Variants in PARD3 observed in about 807,000 individuals in gnomAD.
The protein encoded by PARD3 is par-3 family cell polarity regulator, also known as partitioning defective 3 homolog.
In PARD3, 75 loss-of-function variants were observed where a neutral mutation model predicts 155.4. The observed-to-expected ratio is 0.48, with a 90% CI of 0.40 to 0.58. PARD3 has a LOEUF of 0.58. Ranked by LOEUF, PARD3 falls within the 20% of genes least tolerant of loss-of-function variation. The pLI, the probability that PARD3 is intolerant of heterozygous loss-of-function variation, is 0.00. For missense variants in PARD3, 1,642 were observed against 1,721.7 expected, an observed-to-expected ratio of 0.95 and a Z score of 0.82; for synonymous variants, 576 against 610.5, an observed-to-expected ratio of 0.94 and a Z score of 0.83.
Position 34,397,088 on chromosome 10 carries a change from C to A in PARD3, c.890+2242G>T, listed in dbSNP as rs1392443364. Among the ~76,000 whole-genome samples, 3 of 152,208 alleles carry A rather than the reference C, an allele frequency of 2.0e-5. No homozygotes were observed. The East Asian group carries it at 5.8e-4, about 29-fold the overall frequency. On this transcript the variant is annotated intron_variant, in intron 7 of 24. Coordinates refer to ENST00000374788, the MANE Select transcript of PARD3 (RefSeq NM_001184785.2). ...TATTCCGTTCATCTTTGTTTCCTAG[C>A]ACCTAACACAGGGATTGTCACAACA...
At position 34,758,432 on chromosome 10, in the gene PARD3, C is replaced by T. The variant is rs61401637; in HGVS notation, c.120+56444G>A. On this transcript the variant is annotated intron_variant, in intron 1 of 24. Coordinates refer to ENST00000374788, the MANE Select transcript of PARD3 (RefSeq NM_001184785.2). Reference sequence around the variant, plus strand: ...AGAGCATTATTCCAAAGTCTTTCCACTCCACCACACTATGCCTCATAACCA... The same window carrying T: ...AGAGCATTATTCCAAAGTCTTTCCATTCCACCACACTATGCCTCATAACCA... 9.2e-3 allele frequency among the ~76,000 whole-genome samples: 1,405 copies of T among 152,302 alleles called. 26 individuals carry two copies. The highest frequency in any genetic ancestry group is 0.032 in the African/African-American group (1,312 of 41,558).
At chr10:34,684,812 CACACACACACACACACACATATAT>C (rs1564504576) in intron 2 of PARD3, among the ~76,000 whole-genome samples, 4 of 122,696 alleles carry the variant, frequency 3.3e-5, no homozygotes, top group Admixed American at 2.5e-4. Flanking sequence ...CACACACACA[CACACACACACACACACACATATAT>C]ACACACACAC....
chr10:34,654,051 C>A (rs529129752), intron 2 of PARD3, among the ~76,000 whole-genome samples: 157 of 152,202 alleles, frequency 1.0e-3, no homozygotes, highest in African/African-American at 3.6e-3. Context: ...AAAACTCACA[C>A]CTTGTCTTTA....
intron 2 of PARD3, among the ~76,000 whole-genome samples, chr10:34,692,594 G>T (rs1004110361): frequency 3.9e-5 from 6 of 152,174 alleles, no homozygotes; most frequent in African/African-American, 1.4e-4. Context: ...GGGCAAAGAG[G>T]CCAGGCGTGG....
At chr10:34,363,015 G>C (rs1432814776) in intron 12 of PARD3, among the ~76,000 whole-genome samples, 4 of 152,106 alleles carry the variant, frequency 2.6e-5, no homozygotes, top group African/African-American at 4.8e-5. Context: ...TGAAAAAATG[G>C]AAAACAAGAA....
chr10:34,503,874 C>G (rs2080873302), intron 3 of PARD3, among the ~76,000 whole-genome samples: 1 of 152,138 alleles, frequency 6.6e-6, no homozygotes, highest in African/African-American at 2.4e-5. Flanking sequence ...TTTATGAGAA[C>G]AAGAAAGGAG....
chr10:34,311,660 C>T (rs1210099384), intron 20 of PARD3, among the ~76,000 whole-genome samples: 1 of 152,146 alleles, frequency 6.6e-6, no homozygotes, highest in African/African-American at 2.4e-5. Flanking sequence ...TTACTATATG[C>T]CAAAGTAGCT....
chr10:34,638,144 C>T (rs2092549517), intron 2 of PARD3, among the ~76,000 whole-genome samples: 1 of 152,138 alleles, frequency 6.6e-6, no homozygotes, highest in Non-Finnish European at 1.5e-5. Context: ...TGTGATTCTC[C>T]ACTTCAAATG....
chr10:34,726,307 C>T (rs1241150884), intron 1 of PARD3, among the ~76,000 whole-genome samples: 4 of 151,906 alleles, frequency 2.6e-5, no homozygotes, highest in South Asian at 2.1e-4. Flanking sequence ...AAAAATTAGC[C>T]GGGCACAGTG....
At chr10:34,790,438 C>T (rs1841492090) in intron 1 of PARD3, among the ~76,000 whole-genome samples, 1 of 152,196 alleles carries the variant, frequency 6.6e-6, no homozygotes, top group South Asian at 2.1e-4. Flanking sequence ...AGAATGGAAA[C>T]TTAGCAACTC....
intron 1 of PARD3, among the ~76,000 whole-genome samples, chr10:34,755,096 C>T (rs1207671089): frequency 7.0e-6 from 1 of 142,096 alleles, no homozygotes; most frequent in African/African-American, 3.1e-5. Flanking sequence ...TGACTGACAG[C>T]TTCAAGAAGA....
intron 22 of PARD3, among the ~76,000 whole-genome samples, chr10:34,179,157 T>C (rs948224393): frequency 2.2e-5 from 3 of 138,868 alleles, no homozygotes; most frequent in South Asian, 4.4e-4. Context: ...ATAGCACGCA[T>C]GTGCGTGCGC....
intron 22 of PARD3, among the ~76,000 whole-genome samples, chr10:34,264,484 A>G (rs907243999): frequency 6.6e-6 from 1 of 152,236 alleles, no homozygotes. Context: ...TTCACAGGTG[A>G]TAAGAACTAG....
chr10:34,210,772 A>G (rs1425828853), intron 22 of PARD3, among the ~76,000 whole-genome samples: 1 of 152,146 alleles, frequency 6.6e-6, no homozygotes, highest in African/African-American at 2.4e-5. Context: ...TCAACCATGT[A>G]ATTTCTAGGA....
intron 12 of PARD3, among the ~76,000 whole-genome samples, chr10:34,365,946 A>G (rs887849289): frequency 7.2e-5 from 11 of 152,230 alleles, no homozygotes; most frequent in African/African-American, 2.7e-4. Flanking sequence ...ACAAATATAT[A>G]TATGAAAAAA....
intron 20 of PARD3, chr10:34,312,303 A>T (rs1957742853): frequency 6.2e-6 from 10 of 1,607,428 alleles, no homozygotes; most frequent in Non-Finnish European, 8.5e-6. Context: ...AAAAAACAAC[A>T]ACTGTGCAAT....
intron 2 of PARD3, among the ~76,000 whole-genome samples, chr10:34,530,896 G>A (rs1419922182): frequency 6.6e-6 from 1 of 152,206 alleles, no homozygotes; most frequent in Non-Finnish European, 1.5e-5. Context: ...CTGGGGCTCT[G>A]GGTAGCCAGG....
At chr10:34,492,682 T>C (rs895373635) in intron 3 of PARD3, among the ~76,000 whole-genome samples, 1 of 152,220 alleles carries the variant, frequency 6.6e-6, no homozygotes, top group Non-Finnish European at 1.5e-5. Context: ...TACTCTTATA[T>C]CCTGATCAGA....
intron 3 of PARD3, among the ~76,000 whole-genome samples, chr10:34,479,381 T>TC (rs2078924774): frequency 2.6e-5 from 4 of 152,138 alleles, no homozygotes; most frequent in Middle Eastern, 3.4e-3. Flanking sequence ...CAGAATGGAC[T>TC]CTATCTCCTG....
Sources: gnomAD v4.1 joint callset for allele counts (sites outside exome capture counted in the v4.1 genomes callset) on GRCh38, gnomAD v4.1.1 for gene constraint, MANE v1.5 for transcripts, NCBI Gene and HGNC (gene_info 2026-07-23, HGNC 2026-07-21) for gene names.